ANO1: variants seen among roughly 807,000 people sequenced by gnomAD.
ANO1 encodes the protein anoctamin-1.
In ANO1, 59 loss-of-function variants were observed where a neutral mutation model predicts 124.0. The ratio of observed to expected loss-of-function variants is 0.48; its 90% CI spans 0.39 to 0.59. The LOEUF is 0.59. ANO1 is among the 20% of genes least tolerant of loss of function. The pLI is 0.00. For synonymous variants in ANO1, 529 were observed against 532.0 expected (o/e 0.99, Z 0.08); for missense variants, 1,059 against 1,328.0 (o/e 0.80, Z 3.15).
intron 8 of ANO1, among the ~76,000 whole-genome samples, chr11:70,116,735 T>A (rs1218897824): frequency 6.6e-6 from 1 of 152,204 alleles, no homozygotes; most frequent in Non-Finnish European, 1.5e-5. Context: ...CCTTGGCAGG[T>A]GACCGTGAGC....
chr11:69,967,391 C>T, the ANO1 span, among the ~76,000 whole-genome samples: 1 of 152,234 alleles, frequency 6.6e-6, no homozygotes, highest in Non-Finnish European at 1.5e-5. Flanking sequence ...CCATGATGCA[C>T]CTGAGCTTCA....
chr11:70,152,556 T>TC (rs1228092752), intron 13 of ANO1, 95 bp downstream of exon 13: 148 of 1,419,390 alleles, frequency 1.0e-4, no homozygotes, highest in Non-Finnish European at 1.3e-4. Context: ...ACCACGCAGT[T>TC]CCCGCAGTTC....
At position 70,167,403 on chromosome 11, in the gene ANO1, G is replaced by A. The variant is rs1193324661; in HGVS notation, c.2197+16G>A. ...ATGGAAATGAGTGAGTGATGGCCGGGGCAGGCAGGTGACATCAGGATAGAA... is the reference window on the plus strand; with the variant it reads ...ATGGAAATGAGTGAGTGATGGCCGGAGCAGGCAGGTGACATCAGGATAGAA... On this transcript the variant is annotated intron_variant, in intron 21 of 25. Transcript: ENST00000355303. 1 of 1,604,954 alleles carries A rather than the reference G, an allele frequency of 6.2e-7. No individual in the cohort carries two copies. The highest frequency in any genetic ancestry group is 1.7e-5 in the Admixed American group (1 of 58,566).
intron 9 of ANO1, among the ~76,000 whole-genome samples, chr11:70,125,851 A>G (rs1236635967): frequency 1.5e-5 from 2 of 129,514 alleles, no homozygotes; most frequent in Non-Finnish European, 3.4e-5. Context: ...CTCAAAAAAA[A>G]ACAAAAAAAG....
chr11:70,184,908 G>A (rs1029041252), intron 24 of ANO1, among the ~76,000 whole-genome samples: 2 of 152,044 alleles, frequency 1.3e-5, no homozygotes, highest in African/African-American at 2.4e-5. Context: ...TGCCAGGCCC[G>A]GCTAATTTTT....
At chr11:70,057,948 G>T (rs1555007142) in intron 1 of ANO1, among the ~76,000 whole-genome samples, 1 of 152,208 alleles carries the variant, frequency 6.6e-6, no homozygotes, top group African/African-American at 2.4e-5. Flanking sequence ...TTTGGCTGTG[G>T]TATGGAGAGA....
chr11:70,097,757 G>A (rs1038407329), intron 2 of ANO1, among the ~76,000 whole-genome samples: 25 of 152,212 alleles, frequency 1.6e-4, no homozygotes, highest in Admixed American at 1.3e-4. Flanking sequence ...CAGAGTAGGC[G>A]CTTTATAAAG....
intron 5 of ANO1, among the ~76,000 whole-genome samples, chr11:70,107,315 G>T (rs1282011368): frequency 2.0e-5 from 3 of 152,100 alleles, no homozygotes; most frequent in African/African-American, 7.2e-5. Context: ...GGAGGGTGGT[G>T]GCCTCAAGGC....
chr11:70,146,467 G>A (rs1434556193), intron 11 of ANO1, among the ~76,000 whole-genome samples: 2 of 152,160 alleles, frequency 1.3e-5, no homozygotes, highest in African/African-American at 4.8e-5. Context: ...CATAATGGAG[G>A]CCAAGTCTGG....
chr11:70,098,094 C>T (rs1337690372), intron 2 of ANO1, among the ~76,000 whole-genome samples: 4 of 152,192 alleles, frequency 2.6e-5, no homozygotes, highest in Admixed American at 6.5e-5. Context: ...TGTCTGCCCC[C>T]GAGTCCGACG....
At chr11:70,166,284 C>T (rs2048250747) in intron 20 of ANO1, among the ~76,000 whole-genome samples, 1 of 152,132 alleles carries the variant, frequency 6.6e-6, no homozygotes, top group African/African-American at 2.4e-5. Flanking sequence ...CACCACTGCA[C>T]TCCAGCCTGG....
chr11:70,098,134 G>T (rs770238526), intron 2 of ANO1, among the ~76,000 whole-genome samples: 1 of 152,222 alleles, frequency 6.6e-6, no homozygotes, highest in South Asian at 2.1e-4. Context: ...GCAGCCCCGC[G>T]TCCTCGTGGA....
At chr11:70,006,601 TTCTTTCTTTC>T (rs1188871563) in intron 1 of ANO1, among the ~76,000 whole-genome samples, 13 of 151,584 alleles carry the variant, frequency 8.6e-5, no homozygotes, top group South Asian at 2.1e-4. Context: ...CTTTCTTTCC[TTCTTTCTTTC>T]TCTTTCTTTC....
At chr11:70,059,167 G>A (rs187025579) in intron 1 of ANO1, among the ~76,000 whole-genome samples, 2 of 151,638 alleles carry the variant, frequency 1.3e-5, no homozygotes, top group Admixed American at 1.3e-4. Flanking sequence ...ACTCCAACCT[G>A]AGCGACAGAG....
intron 9 of ANO1, 107 bp downstream of exon 9, chr11:70,124,521 G>A: frequency 8.3e-7 from 1 of 1,208,160 alleles, no homozygotes; most frequent in Non-Finnish European, 1.2e-6. Context: ...CCGGGAACGT[G>A]TTTGAACTCA....
chr11:70,099,034 G>T (rs868331598), intron 2 of ANO1, among the ~76,000 whole-genome samples: 21 of 152,168 alleles, frequency 1.4e-4, no homozygotes, highest in Admixed American at 7.2e-4. Flanking sequence ...GGGCTGTCTG[G>T]GGGGCTGACT....
chr11:70,140,805 C>T (rs1314597258), intron 11 of ANO1, among the ~76,000 whole-genome samples: 5 of 152,298 alleles, frequency 3.3e-5, no homozygotes, highest in South Asian at 2.1e-4. Flanking sequence ...CTCAACATCT[C>T]GGGATATCAG....
chr11:70,121,122 C>T (rs2135459227), intron 8 of ANO1, among the ~76,000 whole-genome samples: 1 of 152,184 alleles, frequency 6.6e-6, no homozygotes, highest in South Asian at 2.1e-4. Context: ...GTGGGTCCCT[C>T]CTCCCCCGGT....
At chr11:70,157,549 G>T (rs1304902729) in intron 16 of ANO1, among the ~76,000 whole-genome samples, 1 of 152,058 alleles carries the variant, frequency 6.6e-6, no homozygotes, top group Non-Finnish European at 1.5e-5. Flanking sequence ...CCCAGTGGGG[G>T]CTTCACACGC....
Sources: gnomAD v4.1 joint callset for allele counts (sites outside exome capture counted in the v4.1 genomes callset) on GRCh38, gnomAD v4.1.1 for gene constraint, MANE v1.5 for transcripts, NCBI Gene and HGNC (gene_info 2026-07-23, HGNC 2026-07-21) for gene names.